GJB1: variants seen among roughly 807,000 people sequenced by gnomAD.
GJB1 encodes the protein gap junction protein beta 1, also known as gap junction beta-1 protein.
In GJB1, 1 loss-of-function variant was observed where a neutral mutation model predicts 12.0. The observed-to-expected ratio is 0.08, with a 90% CI of 0.03 to 0.40. The LOEUF (loss-of-function observed/expected upper bound fraction) is 0.40. Among genes scored for constraint, GJB1 ranks in the 10% least tolerant of loss-of-function variants. GJB1 has a pLI of 0.98. For missense variants in GJB1, 140 were observed against 250.3 expected, an observed-to-expected ratio of 0.56 and a Z score of 2.97; for synonymous variants, 114 against 102.8, an observed-to-expected ratio of 1.11 and a Z score of -0.66.
chrX:71,223,848 G>A lies in GJB1; in HGVS notation c.141G>A (p.Glu47=). 1 of 1,211,234 alleles carries A rather than the reference G, an allele frequency of 8.3e-7. No individual in the cohort carries two copies. Among genetic ancestry groups the A allele is most frequent in the Non-Finnish European group, 1.1e-6 (1 of 895,154 alleles). The change falls in exon 2 of 2, where the codon GAG becomes GAA. Residue 47 remains glutamate, a synonymous_variant. Transcript: ENST00000361726. Reference sequence around the variant, plus strand: ...CTGCAGAGAGTGTGTGGGGTGATGAGAAATCTTCCTTCATCTGCAACACAC... The same window carrying A: ...CTGCAGAGAGTGTGTGGGGTGATGAAAAATCTTCCTTCATCTGCAACACAC... ...VVAAESVWGD[E]KSSFICNTLQ...
upstream of GJB1, among the ~76,000 whole-genome samples, chrX:71,219,150 C>CTTA (rs34964191): frequency 0.089 from 8,676 of 97,939 alleles, 424 homozygotes; most frequent in Admixed American, 0.15. Context: ...TTGAGGTGGT[C>CTTA]TTATTATTAT....
At chrX:71,222,080 T>C (rs1195597102), upstream of GJB1, among the ~76,000 whole-genome samples, 2 of 110,582 alleles carry the variant, frequency 1.8e-5, no homozygotes, top group African/African-American at 6.6e-5. Context: ...AGGTCAAGGC[T>C]GCAGTGAGCA....
chrX:71,217,104 A>ATGTGTGTGTGTGTGTGTGTG lies in GJB1; in HGVS notation c.-17+1850_-17+1869dup, dbSNP rs34246909. 1.8e-3 allele frequency among the ~76,000 whole-genome samples: 166 copies of ATGTGTGTGTGTGTGTGTGTG among 93,565 alleles called. 2 individuals carry two copies. The highest frequency in any genetic ancestry group is 5.6e-3 in the Middle Eastern group (1 of 178). 81.2% of individuals were successfully genotyped at this position (93,565 alleles called of 115,157 possible). A position where few individuals can be genotyped will look rare whatever the true frequency, so the allele number is the denominator to read the frequency against. ...AGAGAGACAGAGACAGACTAGACGA[A>ATGTGTGTGTGTGTGTGTGTG]TGTGTGTGTGTGTGTGTGTGTGTGT... On this transcript the variant is annotated intron_variant, in intron 1 of 1. Coordinates refer to the GJB1 transcript ENST00000374029.
upstream of GJB1, among the ~76,000 whole-genome samples, chrX:71,221,820 A>C (rs998627915): frequency 1.8e-5 from 2 of 110,750 alleles, no homozygotes; most frequent in African/African-American, 6.6e-5. Flanking sequence ...ATGGGGTCTC[A>C]GACAGACCCT....
chrX:71,223,362 C>T, intron 1 of GJB1, 27 bp downstream of exon 1: 2 of 331,328 alleles, frequency 6.0e-6, no homozygotes, highest in Non-Finnish European at 1.1e-5. Context: ...GAGTTTGCCC[C>T]AGGTCTGGAG....
Position 71,224,549 on chromosome X carries a change from C to T in GJB1, c.842C>T (p.Ser281Leu), listed in dbSNP as rs866253945. 3.4e-6 allele frequency: 4 copies of T among 1,184,997 alleles called. No individual in the cohort carries two copies. The highest frequency in any genetic ancestry group is 4.5e-6 in the Non-Finnish European group (4 of 881,866). ...CTGGCTGAAAAGAGCGACCGCTGCTCGGCCTGCTGATGCCACATACCAGGC... is the reference window on the plus strand; with the variant it reads ...CTGGCTGAAAAGAGCGACCGCTGCTTGGCCTGCTGATGCCACATACCAGGC... ...AGLAEKSDRCSAC is the reference protein window; with the variant it reads ...AGLAEKSDRCLAC Residue 281 changes from serine (S) to leucine (L), a missense_variant, in exon 2 of 2, where the codon TCG becomes TTG. Coordinates refer to ENST00000361726, the MANE Select transcript of GJB1 (RefSeq NM_000166.6).
intron 1 of GJB1, among the ~76,000 whole-genome samples, chrX:71,216,680 G>C (rs1251124161): frequency 9.0e-6 from 1 of 111,061 alleles, no homozygotes; most frequent in Non-Finnish European, 1.9e-5. Context: ...GCAGCAGAGA[G>C]GGGGAAAGAA....
chrX:71,216,330 G>A (rs2092525772), intron 1 of GJB1, among the ~76,000 whole-genome samples: 1 of 110,375 alleles, frequency 9.1e-6, no homozygotes, highest in Non-Finnish European at 1.9e-5. Context: ...TTAGAATGCA[G>A]CCTGGCAATG....
chrX:71,219,773 CAAAAAA>C (rs41477550), upstream of GJB1, among the ~76,000 whole-genome samples: 31 of 22,054 alleles, frequency 1.4e-3, no homozygotes, highest in South Asian at 0.033. Context: ...GACTCCCTCT[CAAAAAA>C]AAAAAAAAAA....
chrX:71,215,933 G>A (rs371998121), intron 1 of GJB1, among the ~76,000 whole-genome samples: 19 of 107,587 alleles, frequency 1.8e-4, no homozygotes, highest in African/African-American at 5.8e-4. Context: ...GTGCAATGGC[G>A]CAATCTCGGC....
At chrX:71,215,475 C>G (rs1372492540) in intron 1 of GJB1, among the ~76,000 whole-genome samples, 1 of 112,236 alleles carries the variant, frequency 8.9e-6, no homozygotes, top group East Asian at 2.8e-4. Flanking sequence ...CTTAGCCTCT[C>G]TCTGCAGCCT....
At chrX:71,220,483 T>TGTTG (rs774988235), upstream of GJB1, among the ~76,000 whole-genome samples, 135 of 97,512 alleles carry the variant, frequency 1.4e-3, no homozygotes, top group Non-Finnish European at 2.4e-3. Context: ...AGGTTTTGTT[T>TGTTG]GTTTGTTTGT....
chrX:71,216,366 G>A (rs1336139624), intron 1 of GJB1, among the ~76,000 whole-genome samples: 1 of 110,196 alleles, frequency 9.1e-6, no homozygotes, highest in Non-Finnish European at 1.9e-5. Context: ...CTTGGGTGAG[G>A]GGCCAATACG....
Position 71,224,379 on chromosome X carries a change from C to T in GJB1, c.672C>T (p.Arg224=). Residue 224 remains arginine (R), a synonymous_variant, in exon 2 of 2, where the codon CGC becomes CGT. Coordinates refer to ENST00000361726, the MANE Select transcript of GJB1 (RefSeq NM_000166.6). ...CCTGTGCCCGCCGAGCCCAGCGCCG[C>T]TCCAATCCACCTTCCCGCAAGGGCT... ...IRACARRAQR[R]SNPPSRKGSG... 1 of 1,210,778 alleles carries T rather than the reference C, an allele frequency of 8.3e-7. No individual in the cohort carries two copies.
chrX:71,220,965 C>T (rs1461980332), upstream of GJB1, among the ~76,000 whole-genome samples: 2 of 91,264 alleles, frequency 2.2e-5, no homozygotes, highest in Non-Finnish European at 4.1e-5. Context: ...GGCGCAATCT[C>T]GGCTCACTGC....
chrX:71,215,803 G>A (rs941359926), intron 1 of GJB1, among the ~76,000 whole-genome samples: 2 of 111,379 alleles, frequency 1.8e-5, no homozygotes, highest in African/African-American at 3.3e-5. Flanking sequence ...ATTTGGGAGC[G>A]TGTGTTTCCA....
upstream of GJB1, among the ~76,000 whole-genome samples, chrX:71,218,236 G>A (rs1046840080): frequency 1.8e-5 from 2 of 110,426 alleles, no homozygotes; most frequent in Non-Finnish European, 3.8e-5. Context: ...AGGTTGCAGT[G>A]AGCAGAGAGC....
upstream of GJB1, among the ~76,000 whole-genome samples, chrX:71,218,579 C>T (rs2092530007): frequency 9.4e-6 from 1 of 106,145 alleles, no homozygotes; most frequent in South Asian, 4.1e-4. Context: ...GAGACCCTGT[C>T]TCAAAAGAAA....
upstream of GJB1, among the ~76,000 whole-genome samples, chrX:71,219,150 CTTA>C (rs34964191): frequency 0.16 from 15,381 of 97,944 alleles, 1,376 homozygotes; most frequent in African/African-American, 0.28. Flanking sequence ...TTGAGGTGGT[CTTA>C]TTATTATTAT....
Sources: allele counts gnomAD v4.1 joint callset (sites outside exome capture counted in the v4.1 genomes callset), GRCh38; gene constraint gnomAD v4.1.1; transcripts MANE v1.5; gene names NCBI Gene and HGNC (gene_info 2026-07-23, HGNC 2026-07-21).